Variants in SLC35F3 observed in about 807,000 individuals in gnomAD.
SLC35F3 encodes the protein solute carrier family 35 member F3, also known as putative thiamine transporter SLC35F3.
SLC35F3 carries 25 observed loss-of-function variants against 49.9 expected under a neutral mutation model. The observed-to-expected ratio is 0.50, with a 90% CI of 0.37 to 0.70. The LOEUF is 0.70. SLC35F3 is among the 30% of genes least tolerant of loss of function. SLC35F3 has a pLI of 0.00. For missense variants in SLC35F3, 525 were observed against 639.8 expected (o/e 0.82, Z 1.94); for synonymous variants, 275 against 265.4 (o/e 1.04, Z -0.35).
At chr1:234,193,587 A>C (rs1020026464) in intron 2 of SLC35F3, among the ~76,000 whole-genome samples, 2 of 152,144 alleles carry the variant, frequency 1.3e-5, no homozygotes, top group Non-Finnish European at 1.5e-5. Context: ...AACAAAAATA[A>C]ATAGGTGGGA....
intron 2 of SLC35F3, among the ~76,000 whole-genome samples, chr1:233,951,453 A>T (rs1004736753): frequency 5.3e-5 from 8 of 149,880 alleles, no homozygotes; most frequent in African/African-American, 2.0e-4. Context: ...ACCTTTCTTT[A>T]AAAAAAAAAT....
At chr1:234,104,080 A>T (rs941948129) in intron 2 of SLC35F3, among the ~76,000 whole-genome samples, 2 of 152,208 alleles carry the variant, frequency 1.3e-5, no homozygotes, top group Non-Finnish European at 2.9e-5. Flanking sequence ...ATTTGTTATT[A>T]CCTTAGTATA....
At chr1:234,168,476 G>A (rs1402323574) in intron 2 of SLC35F3, among the ~76,000 whole-genome samples, 2 of 152,216 alleles carry the variant, frequency 1.3e-5, no homozygotes, top group Non-Finnish European at 2.9e-5. Flanking sequence ...AGACCATCCT[G>A]TAAGTGTCAT....
intron 3 of SLC35F3, among the ~76,000 whole-genome samples, chr1:234,259,471 G>A (rs775524379): frequency 6.6e-6 from 1 of 152,092 alleles, no homozygotes; most frequent in Admixed American, 6.5e-5. Flanking sequence ...AGCCTGAGGG[G>A]TCCTCCAGTT....
chr1:234,072,359 G>A (rs1664727335), intron 2 of SLC35F3, among the ~76,000 whole-genome samples: 1 of 152,160 alleles, frequency 6.6e-6, no homozygotes, highest in South Asian at 2.1e-4. Flanking sequence ...CAGTCATTGG[G>A]CCCTTAATTC....
chr1:234,150,051 A>G (rs564129255), intron 2 of SLC35F3, among the ~76,000 whole-genome samples: 2 of 152,350 alleles, frequency 1.3e-5, no homozygotes, highest in African/African-American at 4.8e-5. Context: ...CTTATCCCAT[A>G]GACTTTGGCT....
intron 7 of SLC35F3, among the ~76,000 whole-genome samples, chr1:234,321,631 G>T (rs1369539539): frequency 6.6e-6 from 1 of 152,118 alleles, no homozygotes; most frequent in Non-Finnish European, 1.5e-5. Flanking sequence ...GTATAATATG[G>T]CCAGGTGTTT....
chr1:234,047,942 G>A (rs1004342420), intron 2 of SLC35F3, among the ~76,000 whole-genome samples: 1 of 152,134 alleles, frequency 6.6e-6, no homozygotes, highest in African/African-American at 2.4e-5. Context: ...TGAACAGAAT[G>A]TTGGTATAGG....
At chr1:233,950,488 T>C (rs867962081) in intron 2 of SLC35F3, among the ~76,000 whole-genome samples, 8 of 105,548 alleles carry the variant, frequency 7.6e-5, no homozygotes, top group South Asian at 8.5e-4. Context: ...TTCCTTCCTT[T>C]CTCCCTCCCC....
At chr1:234,287,805 TTGTC>T (rs1668446250) in intron 3 of SLC35F3, among the ~76,000 whole-genome samples, 1 of 152,238 alleles carries the variant, frequency 6.6e-6, no homozygotes, top group Admixed American at 6.5e-5. Context: ...ATCATTCACT[TTGTC>T]TGTAAGCTTA....
At chr1:234,305,414 T>G (rs1296580739) in intron 3 of SLC35F3, among the ~76,000 whole-genome samples, 1 of 150,988 alleles carries the variant, frequency 6.6e-6, no homozygotes, top group Non-Finnish European at 1.5e-5. Flanking sequence ...GACAGAGTCT[T>G]GCTCTGTCAC....
At chr1:234,072,494 A>G (rs558472245) in intron 2 of SLC35F3, among the ~76,000 whole-genome samples, 3 of 152,220 alleles carry the variant, frequency 2.0e-5, no homozygotes, top group Non-Finnish European at 4.4e-5. Context: ...TTAAATATGT[A>G]ACATGTTAGG....
chr1:234,138,918 A>G (rs986269344), intron 2 of SLC35F3, among the ~76,000 whole-genome samples: 1 of 151,784 alleles, frequency 6.6e-6, no homozygotes, highest in Non-Finnish European at 1.5e-5. Context: ...AACAAATCCT[A>G]CTCTTCTCCG....
intron 2 of SLC35F3, among the ~76,000 whole-genome samples, chr1:234,186,008 C>A (rs182668783): frequency 6.6e-6 from 1 of 152,150 alleles, no homozygotes; most frequent in Non-Finnish European, 1.5e-5. Flanking sequence ...CTGAGTGCCG[C>A]GTAGACAGTT....
At chr1:234,114,807 T>G (rs1472322989) in intron 2 of SLC35F3, among the ~76,000 whole-genome samples, 1 of 152,160 alleles carries the variant, frequency 6.6e-6, no homozygotes, top group African/African-American at 2.4e-5. Flanking sequence ...AATTTAAGCA[T>G]GGCTTCCTTT....
intron 2 of SLC35F3, among the ~76,000 whole-genome samples, chr1:233,947,798 A>C (rs1487531370): frequency 6.8e-6 from 1 of 146,582 alleles, no homozygotes. Flanking sequence ...GAATGTGTGA[A>C]CGTGTAGCAA....
At chr1:233,970,418 A>G (rs1009731221) in intron 2 of SLC35F3, among the ~76,000 whole-genome samples, 28 of 152,178 alleles carry the variant, frequency 1.8e-4, no homozygotes, top group African/African-American at 6.8e-4. Context: ...TTGGGCTTAG[A>G]GTTGATGCCA....
At chr1:233,918,638 G>A (rs1662008979) in intron 2 of SLC35F3, among the ~76,000 whole-genome samples, 1 of 152,028 alleles carries the variant, frequency 6.6e-6, no homozygotes, top group Non-Finnish European at 1.5e-5. Context: ...GTAGTGGCGG[G>A]CACCTGTAAT....
rs1012956304 is a variant in SLC35F3 at position 234,030,967 on chromosome 1, G to A, written c.283+125209G>A. On this transcript the variant is annotated intron_variant, in intron 2 of 7. Transcript: ENST00000366618. ...TATTCTGCCAGTTTTCTGCTTACATGGAGGGAAATGGATTAAATCAGGGTT... is the reference window on the plus strand; with the variant it reads ...TATTCTGCCAGTTTTCTGCTTACATAGAGGGAAATGGATTAAATCAGGGTT... Among the ~76,000 whole-genome samples the A allele has an allele frequency of 5.3e-5, 8 of 152,308 alleles. No individual in the cohort carries two copies. The East Asian group carries it at 5.8e-4, about 11-fold the overall frequency.
Sources: gnomAD v4.1 joint callset for allele counts (sites outside exome capture counted in the v4.1 genomes callset) on GRCh38, gnomAD v4.1.1 for gene constraint, MANE v1.5 for transcripts, NCBI Gene and HGNC (gene_info 2026-07-23, HGNC 2026-07-21) for gene names.